The following RAI14 variants were observed in gnomAD, a reference collection of about 807,000 sequenced individuals.
RAI14 encodes the protein retinoic acid induced 14.
RAI14 carries 45 observed loss-of-function variants against 115.4 expected under a neutral mutation model. That is an observed-to-expected ratio of 0.39 (90% CI 0.31 to 0.50). The LOEUF is 0.50. RAI14 is among the 20% of genes least tolerant of loss of function. The pLI, the probability that RAI14 is intolerant of heterozygous loss-of-function variation, is 0.85. For synonymous variants in RAI14, 371 were observed against 415.4 expected, an observed-to-expected ratio of 0.89 and a Z score of 1.30; for missense variants, 939 against 1,131.2, an observed-to-expected ratio of 0.83 and a Z score of 2.44.
intron 1 of RAI14, among the ~76,000 whole-genome samples, chr5:34,680,255 C>T (rs973606010): frequency 6.6e-6 from 1 of 152,096 alleles, no homozygotes; most frequent in African/African-American, 2.4e-5. Flanking sequence ...AACAGAGTAC[C>T]AGAGACTGGG....
At chr5:34,789,254 A>G (rs1007806908) in intron 3 of RAI14, among the ~76,000 whole-genome samples, 1 of 152,206 alleles carries the variant, frequency 6.6e-6, no homozygotes, top group Admixed American at 6.5e-5. Flanking sequence ...GTCACTGCAT[A>G]CATAAGAAGG....
intron 2 of RAI14, 70 bp downstream of exon 2, chr5:34,687,025 A>G (rs1485057757): frequency 1.0e-5 from 16 of 1,551,588 alleles, no homozygotes; most frequent in Non-Finnish European, 1.4e-5. Flanking sequence ...GCTCCTCCCC[A>G]CCTTGATAAG....
intron 2 of RAI14, among the ~76,000 whole-genome samples, chr5:34,708,351 C>T (rs533111202): frequency 2.8e-4 from 42 of 152,062 alleles, no homozygotes; most frequent in African/African-American, 8.7e-4. Context: ...TACAGGCATG[C>T]GCCACCTCGC....
intron 1 of RAI14, 59 bp from the exon 2 acceptor site, chr5:34,686,813 C>A: frequency 8.8e-7 from 1 of 1,132,210 alleles, no homozygotes; most frequent in Non-Finnish European, 1.3e-6. Flanking sequence ...AGTTGTAATC[C>A]AATCAGGAGA....
chr5:34,766,314 A>G (rs542203268), intron 3 of RAI14, among the ~76,000 whole-genome samples: 42 of 152,254 alleles, frequency 2.8e-4, no homozygotes, highest in Non-Finnish European at 4.7e-4. Flanking sequence ...GACACTCAAC[A>G]CCAGCCCGTG....
At chr5:34,796,655 A>G (rs1419477866) in intron 4 of RAI14, among the ~76,000 whole-genome samples, 1 of 152,104 alleles carries the variant, frequency 6.6e-6, no homozygotes, top group East Asian at 1.9e-4. Context: ...TGAGGTGATG[A>G]GTGAGTTACT....
At chr5:34,661,377 A>C (rs1339269905) in intron 1 of RAI14, among the ~76,000 whole-genome samples, 1 of 152,142 alleles carries the variant, frequency 6.6e-6, no homozygotes, top group Non-Finnish European at 1.5e-5. Flanking sequence ...GTCTAGAACA[A>C]TGTTGACCCC....
chr5:34,658,302 C>G (rs1402722638), intron 1 of RAI14, among the ~76,000 whole-genome samples: 39 of 152,176 alleles, frequency 2.6e-4, no homozygotes, highest in Non-Finnish European at 2.1e-4. Flanking sequence ...GTGAAATTCT[C>G]TCTCCAGTCT....
intron 2 of RAI14, among the ~76,000 whole-genome samples, chr5:34,699,826 A>G (rs1739817910): frequency 6.6e-6 from 1 of 152,228 alleles, no homozygotes; most frequent in African/African-American, 2.4e-5. Context: ...CAGCCGGCCA[A>G]GTAAAGGCCT....
intron 4 of RAI14, among the ~76,000 whole-genome samples, chr5:34,799,015 T>C (rs1753874201): frequency 6.6e-6 from 1 of 152,206 alleles, no homozygotes; most frequent in Non-Finnish European, 1.5e-5. Context: ...TACCAGCTTC[T>C]TCCCATGATT....
chr5:34,719,072 A>G (rs1029988211), intron 2 of RAI14, among the ~76,000 whole-genome samples: 8 of 152,214 alleles, frequency 5.3e-5, no homozygotes, highest in Non-Finnish European at 8.8e-5. Flanking sequence ...ACACTCACCA[A>G]TTCTCTGGAC....
intron 3 of RAI14, among the ~76,000 whole-genome samples, chr5:34,789,885 G>C (rs1752725042): frequency 6.6e-6 from 1 of 152,202 alleles, no homozygotes; most frequent in South Asian, 2.1e-4. Flanking sequence ...TTCAAACCCA[G>C]ATAGTCTGAG....
intron 2 of RAI14, among the ~76,000 whole-genome samples, chr5:34,725,569 C>T (rs776129914): frequency 4.0e-4 from 60 of 151,756 alleles, no homozygotes; most frequent in African/African-American, 1.3e-3. Flanking sequence ...TTATTGTAAG[C>T]GCATCAACTC....
intron 3 of RAI14, 144 bp from the exon 4 acceptor site, chr5:34,795,795 A>G (rs921620027): frequency 5.6e-6 from 3 of 536,214 alleles, no homozygotes; most frequent in Non-Finnish European, 1.0e-5. Context: ...TGAGATTGAT[A>G]ATAATGCCTA....
chr5:34,802,011 C>T (rs544419645), intron 4 of RAI14, among the ~76,000 whole-genome samples: 1 of 152,164 alleles, frequency 6.6e-6, no homozygotes, highest in South Asian at 2.1e-4. Flanking sequence ...CTACAGTGAG[C>T]CATGCTTGTG....
chr5:34,672,915 T>C (rs1342744647), intron 1 of RAI14, among the ~76,000 whole-genome samples: 1 of 151,978 alleles, frequency 6.6e-6, no homozygotes, highest in Non-Finnish European at 1.5e-5. Flanking sequence ...TTGTTTTTCC[T>C]ATTCCTCCTT....
At chr5:34,789,070 G>A (rs1045284275) in intron 3 of RAI14, among the ~76,000 whole-genome samples, 67 of 152,146 alleles carry the variant, frequency 4.4e-4, no homozygotes, top group South Asian at 1.5e-3. Flanking sequence ...TTTATTTAGA[G>A]TTGCCAGCTA....
chr5:34,812,073 G>A, intron 9 of RAI14, 107 bp from the exon 10 acceptor site: 2 of 1,298,360 alleles, frequency 1.5e-6, no homozygotes, highest in Non-Finnish European at 2.1e-6. Flanking sequence ...AAAAAAAGGA[G>A]TGTTAAAAAA....
At chr5:34,830,516 T>A (rs1357786317) in intron 17 of RAI14, among the ~76,000 whole-genome samples, 172 bp from the exon 18 acceptor site, 1 of 152,214 alleles carries the variant, frequency 6.6e-6, no homozygotes, top group Non-Finnish European at 1.5e-5. Context: ...CAGGGCCCTT[T>A]CTTTGACTCA....
Sources: gnomAD v4.1 joint callset for allele counts (sites outside exome capture counted in the v4.1 genomes callset) on GRCh38, gnomAD v4.1.1 for gene constraint, MANE v1.5 for transcripts, NCBI Gene and HGNC (gene_info 2026-07-23, HGNC 2026-07-21) for gene names.